The following ARHGEF10 variants were observed in gnomAD, a reference collection of about 807,000 sequenced individuals.
The protein encoded by ARHGEF10 is Rho guanine nucleotide exchange factor 10, also known as Rho guanine nucleotide exchange factor (GEF) 10.
Under a neutral mutation model 147.4 loss-of-function variants are expected in ARHGEF10, and 140 were observed. The observed-to-expected ratio is 0.95, with a 90% CI of 0.83 to 1.09. ARHGEF10 has a LOEUF of 1.09. ARHGEF10 is among the 50% of genes least tolerant of loss of function. The pLI, the probability that ARHGEF10 is intolerant of heterozygous loss-of-function variation, is 0.00. For missense variants in ARHGEF10, 2,222 were observed against 1,752.7 expected (o/e 1.27, Z -4.78); for synonymous variants, 902 against 695.8 (o/e 1.30, Z -4.67).
intron 26 of ARHGEF10, among the ~76,000 whole-genome samples, chr8:1,940,629 C>T (rs553006688): frequency 5.3e-5 from 8 of 152,326 alleles, no homozygotes; most frequent in South Asian, 2.1e-4. Flanking sequence ...ACACTTCCTA[C>T]TCATTCTGCA....
Position 1,907,724 on chromosome 8 carries a change from C to T in ARHGEF10, c.1968-1571C>T, listed in dbSNP as rs78568293. Reference sequence around the variant, plus strand: ...TAAAATAACGCCCCTGCCTTTCCCACGATGCCAGGGCTTGAATTTCTTTTT... The same window carrying T: ...TAAAATAACGCCCCTGCCTTTCCCATGATGCCAGGGCTTGAATTTCTTTTT... On this transcript the variant is annotated intron_variant, in intron 17 of 28. Coordinates refer to ENST00000349830, the MANE Select transcript of ARHGEF10 (RefSeq NM_014629.4). Among the ~76,000 whole-genome samples the T allele has an allele frequency of 1.1e-4, 17 of 152,298 alleles. No individual in the cohort carries two copies. In the East Asian group the frequency reaches 2.3e-3, roughly 21 times the overall value.
intron 6 of ARHGEF10, among the ~76,000 whole-genome samples, chr8:1,868,626 C>G (rs138082333): frequency 6.6e-6 from 1 of 152,186 alleles, no homozygotes; most frequent in Non-Finnish European, 1.5e-5. Flanking sequence ...AAACACTGTC[C>G]TATATGTTTA....
At chr8:1,928,292 T>A (rs1434696163) in intron 23 of ARHGEF10, 135 bp from the exon 24 acceptor site, 2 of 801,794 alleles carry the variant, frequency 2.5e-6, no homozygotes, top group South Asian at 1.5e-5. Context: ...TTAAGAATTT[T>A]TTTTTATTTT....
At position 1,888,507 on chromosome 8, in the gene ARHGEF10, A is replaced by T. The variant is rs1808999839; in HGVS notation, c.1182+2800A>T. Among the ~76,000 whole-genome samples, 3 of 125,978 alleles carry T rather than the reference A, an allele frequency of 2.4e-5. No homozygotes were observed. In the South Asian group the frequency reaches 8.0e-4, roughly 34 times the overall value. 82.6% of individuals were successfully genotyped at this position (125,978 alleles called of 152,430 possible). A position where few individuals can be genotyped will look rare whatever the true frequency, so the allele number is the denominator to read the frequency against. ...TGAGTGGGGTAAGAAGTCTGTGGAG[A>T]TACTGAGTGGGGTGAGGGGTCTGTG... On this transcript the variant is annotated intron_variant, in intron 11 of 28. Transcript: ENST00000349830.
At chr8:1,823,781 G>T (rs1416589804), upstream of ARHGEF10, among the ~76,000 whole-genome samples, 3 of 151,954 alleles carry the variant, frequency 2.0e-5, no homozygotes, top group East Asian at 5.9e-4. Context: ...AGGGGGCGCG[G>T]GCGGCCACGT....
chr8:1,945,931 T>G, intron 27 of ARHGEF10: 14 of 118,456 alleles, frequency 1.2e-4, no homozygotes, highest in South Asian at 8.5e-4. Flanking sequence ...CAGTGCCATC[T>G]CTGTAGGTCA....
intron 26 of ARHGEF10, among the ~76,000 whole-genome samples, chr8:1,938,912 T>G (rs1813845517): frequency 7.0e-6 from 1 of 142,180 alleles, no homozygotes; most frequent in Non-Finnish European, 1.5e-5. Flanking sequence ...GGAATCCCAG[T>G]CCCCAGAAAC....
intron 1 of ARHGEF10, among the ~76,000 whole-genome samples, chr8:1,825,001 C>T (rs1231183072): frequency 1.5e-5 from 1 of 66,146 alleles, no homozygotes; most frequent in Non-Finnish European, 3.1e-5. Flanking sequence ...TCCCCACACC[C>T]CACCTGTTTA....
At chr8:1,938,841 TCA>T (rs1368388852) in intron 26 of ARHGEF10, among the ~76,000 whole-genome samples, 2 of 151,164 alleles carry the variant, frequency 1.3e-5, no homozygotes, top group Non-Finnish European at 2.9e-5. Flanking sequence ...CTGTGGAATC[TCA>T]GTCCCCAGAA....
At chr8:1,834,875 A>C (rs1006790633) in intron 1 of ARHGEF10, among the ~76,000 whole-genome samples, 127 of 152,360 alleles carry the variant, frequency 8.3e-4, no homozygotes, top group Middle Eastern at 3.4e-3. Context: ...GGATGTCCAG[A>C]GACCGCGCAG....
chr8:1,831,749 C>G (rs1030468555), intron 1 of ARHGEF10, among the ~76,000 whole-genome samples: 1 of 152,234 alleles, frequency 6.6e-6, no homozygotes, highest in Non-Finnish European at 1.5e-5. Flanking sequence ...TCGTGCACTG[C>G]TCGCTCCTGG....
chr8:1,847,369 G>A (rs756237472), intron 2 of ARHGEF10, among the ~76,000 whole-genome samples: 1 of 152,148 alleles, frequency 6.6e-6, no homozygotes, highest in Non-Finnish European at 1.5e-5. Context: ...AGATGATCTG[G>A]GATTTCTCAG....
intron 1 of ARHGEF10, among the ~76,000 whole-genome samples, chr8:1,837,479 G>T (rs1407963816): frequency 6.6e-6 from 1 of 152,130 alleles, no homozygotes; most frequent in Non-Finnish European, 1.5e-5. Context: ...ATGCATTTTT[G>T]TAGAGAAACA....
chr8:1,921,499 G>A (rs981807692), intron 18 of ARHGEF10, among the ~76,000 whole-genome samples: 24 of 152,158 alleles, frequency 1.6e-4, no homozygotes, highest in East Asian at 5.8e-4. Flanking sequence ...AGGCCGAGGC[G>A]GGTGGATCAC....
chr8:1,901,035 G>A (rs1810409976), intron 15 of ARHGEF10, among the ~76,000 whole-genome samples: 1 of 152,144 alleles, frequency 6.6e-6, no homozygotes, highest in Non-Finnish European at 1.5e-5. Context: ...GTTCTCGGAG[G>A]GGAGCAGGGT....
intron 4 of ARHGEF10, among the ~76,000 whole-genome samples, chr8:1,863,004 T>C (rs373386861): frequency 1.1e-3 from 163 of 152,130 alleles, no homozygotes; most frequent in African/African-American, 3.8e-3. Flanking sequence ...AGGATGGACT[T>C]GATCTCCTGA....
intron 3 of ARHGEF10, among the ~76,000 whole-genome samples, 160 bp from the exon 4 acceptor site, chr8:1,859,737 G>A (rs1427160323): frequency 6.6e-6 from 1 of 152,190 alleles, no homozygotes; most frequent in Non-Finnish European, 1.5e-5. Flanking sequence ...CCATGTGTGA[G>A]TGCTCCCTCC....
At position 1,896,093 on chromosome 8, in the gene ARHGEF10, T is replaced by G. The variant is rs1275132267; in HGVS notation, c.1441-240T>G. 7.9e-5 allele frequency among the ~76,000 whole-genome samples: 12 copies of G among 152,230 alleles called. No homozygotes were observed. In the East Asian group the frequency reaches 2.1e-3, roughly 27 times the overall value. The stretch of plus-strand genomic sequence containing the variant: ...TAACTGAAACCCAAATTACCATGGT[T>G]TTGAACAAGGATGTCAGAAAGTGCT... On this transcript the variant is annotated intron_variant, in intron 13 of 28. Coordinates refer to ENST00000349830, the MANE Select transcript of ARHGEF10 (RefSeq NM_014629.4).
chr8:1,944,591 G>A (rs898017164), intron 26 of ARHGEF10, among the ~76,000 whole-genome samples: 2 of 152,236 alleles, frequency 1.3e-5, no homozygotes, highest in African/African-American at 4.8e-5. Flanking sequence ...GGGACAACTC[G>A]TAGGGCCAAG....
Sources: allele counts gnomAD v4.1 joint callset (sites outside exome capture counted in the v4.1 genomes callset), GRCh38; gene constraint gnomAD v4.1.1; transcripts MANE v1.5; gene names NCBI Gene and HGNC (gene_info 2026-07-23, HGNC 2026-07-21).